Variants in CERT1 observed in about 807,000 individuals in gnomAD.
The protein encoded by CERT1 is ceramide transporter 1.
Under a neutral mutation model 87.9 loss-of-function variants are expected in CERT1, and 31 were observed. The ratio of observed to expected loss-of-function variants is 0.35; its 90% CI spans 0.27 to 0.48. The LOEUF is 0.48. CERT1 is among the 20% of genes least tolerant of loss of function. CERT1 has a pLI of 0.99. For missense variants in CERT1, 487 were observed against 758.0 expected (o/e 0.64, Z 4.20); for synonymous variants, 289 against 250.9 (o/e 1.15, Z -1.44).
At chr5:75,429,794 T>C (rs1365034861) in intron 3 of CERT1, among the ~76,000 whole-genome samples, 1 of 147,254 alleles carries the variant, frequency 6.8e-6, no homozygotes, top group East Asian at 2.0e-4. Flanking sequence ...TGTTAAGTGC[T>C]GAAAAGCTAT....
chr5:75,482,126 C>T lies in CERT1; in HGVS notation c.232-22945G>A, dbSNP rs73120819. On this transcript the variant is annotated intron_variant, in intron 2 of 16. Transcript: ENST00000643780. ...GGCTCTTGGGGTCCCAAATTCCAGGCCTTGGCTCCTGGATGCCATTTCTAG... is the reference window on the plus strand; with the variant it reads ...GGCTCTTGGGGTCCCAAATTCCAGGTCTTGGCTCCTGGATGCCATTTCTAG... Among the ~76,000 whole-genome samples, 366 of 152,254 alleles carry T rather than the reference C, an allele frequency of 2.4e-3. 1 individual carries two copies. The highest frequency in any genetic ancestry group is 8.7e-3 in the African/African-American group (362 of 41,554).
intron 13 of CERT1, 86 bp from the exon 14 acceptor site, chr5:75,384,798 G>C (rs964253448): frequency 3.6e-6 from 3 of 839,604 alleles, no homozygotes; most frequent in South Asian, 3.0e-5. Context: ...AGTACGAATG[G>C]ACAGTATGGT....
chr5:75,385,802 C>T (rs1761762349), intron 13 of CERT1, 100 bp downstream of exon 13: 26 of 916,578 alleles, frequency 2.8e-5, no homozygotes, highest in Admixed American at 2.8e-4. Context: ...ATACTTTCTA[C>T]GTTGACTTTG....
intron 8 of CERT1, among the ~76,000 whole-genome samples, chr5:75,405,140 G>A (rs542464810): frequency 6.6e-6 from 1 of 152,010 alleles, no homozygotes; most frequent in Admixed American, 6.5e-5. Context: ...TATTAAAAGG[G>A]ACTTTAAAAA....
chr5:75,401,711 TA>T (rs944843543), intron 9 of CERT1: 3 of 152,150 alleles, frequency 2.0e-5, no homozygotes, highest in Non-Finnish European at 4.4e-5. Context: ...CAGTAATTTT[TA>T]AAAAAATAAC....
At chr5:75,491,768 ATG>A (rs1005840562) in intron 2 of CERT1, among the ~76,000 whole-genome samples, 8 of 152,168 alleles carry the variant, frequency 5.3e-5, no homozygotes, top group African/African-American at 1.7e-4. Flanking sequence ...AATGATATAG[ATG>A]TGAAGTTATT....
chr5:75,504,813 T>C (rs1373463192), intron 2 of CERT1, among the ~76,000 whole-genome samples: 2 of 152,090 alleles, frequency 1.3e-5, no homozygotes, highest in African/African-American at 4.8e-5. Context: ...TGCTATTTTT[T>C]GTATTATCAG....
At chr5:75,504,546 T>G (rs1767564773) in intron 2 of CERT1, among the ~76,000 whole-genome samples, 1 of 152,214 alleles carries the variant, frequency 6.6e-6, no homozygotes, top group Non-Finnish European at 1.5e-5. Context: ...ATACGCTAAG[T>G]AAGGATTAGA....
In CERT1 at chr5:75,379,077, G is replaced by T. The variant is rs1326377645; in HGVS notation, c.*269C>A. On this transcript the variant is annotated 3_prime_UTR_variant, in exon 17 of 17. Coordinates refer to ENST00000643780, the MANE Select transcript of CERT1 (RefSeq NM_001379029.1). ...GCCTGTGGGGACTCCCAGCTACTGG[G>T]AAGGCTGAGATGAGAGGATTGTTTG... is the stretch of plus-strand genomic sequence containing the variant. 1.0e-5 allele frequency: 3 copies of T among 296,090 alleles called. No homozygotes were observed. The highest frequency in any genetic ancestry group is 4.3e-5 in the African/African-American group (2 of 46,218). 18.3% of individuals were successfully genotyped at this position (296,090 alleles called of 1,614,324 possible).
intron 8 of CERT1, among the ~76,000 whole-genome samples, chr5:75,405,019 C>A (rs1278425986): frequency 6.8e-6 from 1 of 146,736 alleles, no homozygotes; most frequent in Non-Finnish European, 1.5e-5. Context: ...CAGTCTCAAA[C>A]AACAACAACA....
At chr5:75,394,258 A>G (rs1237252947) in intron 11 of CERT1, among the ~76,000 whole-genome samples, 1 of 152,194 alleles carries the variant, frequency 6.6e-6, no homozygotes, top group Admixed American at 6.6e-5. Flanking sequence ...CTGTAATCCT[A>G]GCACTTTGGG....
intron 5 of CERT1, among the ~76,000 whole-genome samples, chr5:75,420,436 C>T (rs1255598723): frequency 1.2e-4 from 18 of 151,024 alleles, no homozygotes; most frequent in African/African-American, 4.1e-4. Context: ...CTCCACCTCC[C>T]GGGTTCACAC....
Position 75,417,026 on chromosome 5 carries a change from T to C in CERT1, c.687A>G (p.Pro229=). The C allele has an allele frequency of 6.3e-7, 1 of 1,590,694 alleles. No individual in the cohort carries two copies. The part of the protein sequence containing the change: ...STNGNKEKLF[P]HVTPKGINGI... ...CATTAATTCCTTTTGGTGTCACATG[T>C]GGAAATACTGAAAATGAAAATTATT... The change falls in exon 7 of 17, where the codon CCA becomes CCG. Residue 229 remains proline (P), a synonymous_variant. Coordinates refer to ENST00000643780, the MANE Select transcript of CERT1 (RefSeq NM_001379029.1).
intron 3 of CERT1, among the ~76,000 whole-genome samples, chr5:75,439,421 A>G (rs976572445): frequency 3.3e-5 from 5 of 152,046 alleles, no homozygotes; most frequent in Admixed American, 2.6e-4. Flanking sequence ...CTTTTTCCTA[A>G]TAACACTCTG....
intron 2 of CERT1, among the ~76,000 whole-genome samples, chr5:75,493,370 G>C (rs1199236272): frequency 6.6e-6 from 1 of 152,162 alleles, no homozygotes; most frequent in Non-Finnish European, 1.5e-5. Context: ...AAAACAACAA[G>C]AGGTAAATTT....
intron 2 of CERT1, among the ~76,000 whole-genome samples, chr5:75,502,142 A>C (rs143377217): frequency 1.4e-4 from 21 of 152,298 alleles, no homozygotes; most frequent in African/African-American, 5.1e-4. Context: ...AAACCAAAAA[A>C]AAAGTGCATA....
chr5:75,406,711 A>G (rs1342335883), intron 8 of CERT1, among the ~76,000 whole-genome samples: 1 of 151,772 alleles, frequency 6.6e-6, no homozygotes, highest in Non-Finnish European at 1.5e-5. Context: ...AATACAGCTA[A>G]TTTTTGTATT....
chr5:75,415,035 TACACAC>T (rs150043321), intron 7 of CERT1, among the ~76,000 whole-genome samples: 57 of 149,382 alleles, frequency 3.8e-4, no homozygotes, highest in African/African-American at 9.8e-4. Context: ...TGTGTATATA[TACACAC>T]ACACACACAC....
intron 1 of CERT1, among the ~76,000 whole-genome samples, chr5:75,509,998 T>G: frequency 6.6e-6 from 1 of 152,230 alleles, no homozygotes; most frequent in East Asian, 1.9e-4. Context: ...TGACTACTCA[T>G]GCCTTTCCTG....
Sources: allele counts gnomAD v4.1 joint callset (sites outside exome capture counted in the v4.1 genomes callset), GRCh38; gene constraint gnomAD v4.1.1; transcripts MANE v1.5; gene names NCBI Gene and HGNC (gene_info 2026-07-23, HGNC 2026-07-21).